PLEKHA2: variants seen among roughly 807,000 people sequenced by gnomAD.
The protein encoded by PLEKHA2 is pleckstrin homology domain-containing family A member 2.
PLEKHA2 carries 28 observed loss-of-function variants against 53.2 expected under a neutral mutation model. That is an observed-to-expected ratio of 0.53 (90% CI 0.39 to 0.72). The LOEUF (loss-of-function observed/expected upper bound fraction) is 0.72, where lower values mean the gene tolerates loss of function less well. PLEKHA2 is among the 30% of genes least tolerant of loss of function. The pLI is 0.00. For synonymous variants in PLEKHA2, 193 were observed against 196.4 expected (o/e 0.98, Z 0.14); for missense variants, 426 against 537.9 (o/e 0.79, Z 2.06).
chr8:38,968,811 A>C, intron 11 of PLEKHA2, 142 bp downstream of exon 11: 1 of 729,170 alleles, frequency 1.4e-6, no homozygotes, highest in Non-Finnish European at 2.3e-6. Context: ...TGTTTTTCTC[A>C]TTCTACTAAT....
intron 1 of PLEKHA2, among the ~76,000 whole-genome samples, chr8:38,909,124 C>G (rs1206810780): frequency 6.7e-6 from 1 of 149,396 alleles, no homozygotes; most frequent in East Asian, 2.0e-4. Flanking sequence ...ACCTGGGCGA[C>G]AGAGCGAGAC....
In PLEKHA2 at chr8:38,918,892, T is replaced by C. The variant is rs186258563; in HGVS notation, c.141+822T>C. On this transcript the variant is annotated intron_variant, in intron 2 of 11. Coordinates refer to ENST00000617275, the MANE Select transcript of PLEKHA2 (RefSeq NM_021623.2). ...CCTGACCCTGGCATCTGGTGTCTGC[T>C]CTCACACGCAGACACCAGCCAGGAT... 6.1e-3 allele frequency among the ~76,000 whole-genome samples: 922 copies of C among 152,308 alleles called. 31 individuals are homozygous for C. The highest frequency in any genetic ancestry group is 0.057 in the Admixed American group (869 of 15,292).
chr8:38,909,007 G>T (rs1382144729), intron 1 of PLEKHA2, among the ~76,000 whole-genome samples: 1 of 152,146 alleles, frequency 6.6e-6, no homozygotes. Flanking sequence ...GCTGGGCGTG[G>T]TGGTGCACGC....
At chr8:38,949,796 G>T (rs1297294748) in intron 5 of PLEKHA2, among the ~76,000 whole-genome samples, 1 of 152,328 alleles carries the variant, frequency 6.6e-6, no homozygotes, top group East Asian at 1.9e-4. Flanking sequence ...CACAACGATG[G>T]TTATGATAAA....
intron 10 of PLEKHA2, among the ~76,000 whole-genome samples, chr8:38,958,050 C>T (rs555947565): frequency 5.3e-4 from 80 of 152,244 alleles, no homozygotes; most frequent in Middle Eastern, 3.4e-3. Context: ...CTTGGCCAGG[C>T]GCGGTGGCTC....
chr8:38,944,024 A>T (rs116823722), intron 4 of PLEKHA2, among the ~76,000 whole-genome samples, 187 bp downstream of exon 4: 9,720 of 152,142 alleles, frequency 0.064, 411 homozygotes, highest in East Asian at 0.18. Context: ...TGTTAATAAC[A>T]TAAGGACAGA....
chr8:38,940,387 A>C (rs375072069), intron 3 of PLEKHA2, among the ~76,000 whole-genome samples: 1 of 152,120 alleles, frequency 6.6e-6, no homozygotes, highest in South Asian at 2.1e-4. Context: ...TGACAGAGCA[A>C]GACTCTGTCT....
Position 38,918,121 on chromosome 8 carries a change from C to T in PLEKHA2, c.141+51C>T, listed in dbSNP as rs1291904941. On this transcript the variant is annotated intron_variant, in intron 2 of 11. Coordinates refer to ENST00000617275, the MANE Select transcript of PLEKHA2 (RefSeq NM_021623.2). ...GGGCGACTGGGTGCCCATCACTGCG[C>T]CAGAGGAATGCACACAGGGTTAGCC... The T allele has an allele frequency of 1.9e-6, 3 of 1,581,994 alleles. No homozygotes were observed. The Admixed American group carries it at 5.4e-5, about 29-fold the overall frequency.
intron 10 of PLEKHA2, among the ~76,000 whole-genome samples, chr8:38,965,375 C>T (rs1835117388): frequency 6.6e-6 from 1 of 152,112 alleles, no homozygotes; most frequent in Non-Finnish European, 1.5e-5. Context: ...TTTCAGTAGA[C>T]TGCTGGAAGG....
rs1291386009 is a variant in PLEKHA2, at chr8:38,952,157, T to G, written c.487-9T>G. 1.2e-6 allele frequency: 2 copies of G among 1,611,280 alleles called. No homozygotes were observed. Among genetic ancestry groups the G allele is most frequent in the East Asian group, 2.2e-5 (1 of 44,800 alleles). ...GGGAGGCGCTGATACTGACACTGTT[T>G]CCTTGCAGAACGGTGGGGATGGGCA... On this transcript the variant is annotated splice_polypyrimidine_tract_variant and intron_variant, in intron 6 of 11. Transcript: ENST00000617275.
chr8:38,916,060 C>T (rs1384516218), intron 1 of PLEKHA2, among the ~76,000 whole-genome samples: 1 of 152,146 alleles, frequency 6.6e-6, no homozygotes, highest in African/African-American at 2.4e-5. Flanking sequence ...ACTATAACCT[C>T]CAGCTCCTGA....
At chr8:38,923,256 A>G (rs1280518315) in intron 2 of PLEKHA2, among the ~76,000 whole-genome samples, 1 of 152,238 alleles carries the variant, frequency 6.6e-6, no homozygotes, top group East Asian at 1.9e-4. Context: ...CTGCAGAGAT[A>G]AGAGATCAAG....
intron 3 of PLEKHA2, among the ~76,000 whole-genome samples, chr8:38,938,984 A>G (rs1180649375): frequency 6.7e-6 from 1 of 150,084 alleles, no homozygotes; most frequent in Non-Finnish European, 1.5e-5. Flanking sequence ...CCTCACTTCA[A>G]CCTTTGCCTC....
intron 9 of PLEKHA2, among the ~76,000 whole-genome samples, chr8:38,953,737 A>G (rs1266660350): frequency 6.6e-6 from 1 of 152,116 alleles, no homozygotes; most frequent in Non-Finnish European, 1.5e-5. Context: ...CCTCTAGGTC[A>G]CTCACCTCAG....
At chr8:38,963,958 A>C (rs910952726) in intron 10 of PLEKHA2, among the ~76,000 whole-genome samples, 2 of 152,208 alleles carry the variant, frequency 1.3e-5, no homozygotes, top group African/African-American at 4.8e-5. Context: ...AAAGAGATTT[A>C]ATTATTTTAC....
At chr8:38,969,313 C>A in intron 11 of PLEKHA2, 108 bp from the exon 12 acceptor site, 13 of 1,323,400 alleles carry the variant, frequency 9.8e-6, no homozygotes, top group Admixed American at 2.7e-5. Context: ...CATCCTTGGA[C>A]TTATGAGGTG....
intron 10 of PLEKHA2, among the ~76,000 whole-genome samples, chr8:38,967,664 C>CT (rs1300367568): frequency 0.028 from 3,971 of 141,934 alleles, 175 homozygotes; most frequent in African/African-American, 0.089. Context: ...CCTTTGCTCA[C>CT]TTTTTTTTTT....
chr8:38,917,518 C>G (rs1016617476), intron 1 of PLEKHA2, among the ~76,000 whole-genome samples: 6 of 152,156 alleles, frequency 3.9e-5, no homozygotes, highest in African/African-American at 1.2e-4. Context: ...CAGCCCAAGC[C>G]TTATTATTAA....
intron 1 of PLEKHA2, among the ~76,000 whole-genome samples, chr8:38,912,621 AG>A (rs1215313072): frequency 1.3e-5 from 2 of 152,220 alleles, no homozygotes; most frequent in African/African-American, 4.8e-5. Flanking sequence ...AGAGGAGGCG[AG>A]GACAGTGGAT....
Sources: allele counts gnomAD v4.1 joint callset (sites outside exome capture counted in the v4.1 genomes callset), GRCh38; gene constraint gnomAD v4.1.1; transcripts MANE v1.5; gene names NCBI Gene and HGNC (gene_info 2026-07-23, HGNC 2026-07-21).